GUCY1B1: variants seen among roughly 807,000 people sequenced by gnomAD.
GUCY1B1 encodes the protein guanylate cyclase soluble subunit beta-1.
GUCY1B1 carries 43 observed loss-of-function variants against 71.0 expected under a neutral mutation model. The observed-to-expected ratio is 0.61, with a 90% confidence interval of 0.47 to 0.78. The LOEUF (loss-of-function observed/expected upper bound fraction) is 0.78. Among genes scored for constraint, GUCY1B1 ranks in the 30% least tolerant of loss-of-function variants. The probability of loss-of-function intolerance (pLI) is 0.00; values close to 1 mark genes in which losing one functional copy is unlikely to be tolerated. For synonymous variants in GUCY1B1, 266 were observed against 259.7 expected, an observed-to-expected ratio of 1.02 and a Z score of -0.23; for missense variants, 535 against 754.1, an observed-to-expected ratio of 0.71 and a Z score of 3.40.
At chr4:155,803,958 C>T (rs1227716970) in intron 11 of GUCY1B1, among the ~76,000 whole-genome samples, 194 bp downstream of exon 11, 1 of 152,146 alleles carries the variant, frequency 6.6e-6, no homozygotes, top group Non-Finnish European at 1.5e-5. Flanking sequence ...TTGAAATTAT[C>T]TAGTCCGTTT....
At chr4:155,778,593 T>C (rs1443345176) in intron 4 of GUCY1B1, among the ~76,000 whole-genome samples, 1 of 152,216 alleles carries the variant, frequency 6.6e-6, no homozygotes. Context: ...GTTGTTTACA[T>C]AGTGACATTT....
intron 6 of GUCY1B1, 112 bp downstream of exon 6, chr4:155,794,198 C>G: frequency 1.7e-6 from 1 of 605,370 alleles, no homozygotes; most frequent in Non-Finnish European, 2.9e-6. Flanking sequence ...AGGTAATATG[C>G]AGTTTATTGT....
chr4:155,762,234 C>T (rs1451237856), intron 2 of GUCY1B1, among the ~76,000 whole-genome samples: 1 of 152,120 alleles, frequency 6.6e-6, no homozygotes, highest in Non-Finnish European at 1.5e-5. Context: ...GTTCCTCCTC[C>T]CCTCCCTACC....
chr4:155,804,639 G>T lies in GUCY1B1; in HGVS notation c.1601G>T (p.Gly534Val). 1 of 1,612,370 alleles carries T rather than the reference G, an allele frequency of 6.2e-7. No individual in the cohort carries two copies. Among genetic ancestry groups the T allele is most frequent in the Non-Finnish European group, 8.5e-7 (1 of 1,178,512 alleles). The stretch of plus-strand genomic sequence containing the variant: ...GGAGAGGTAGTTACAGGTGTCATAG[G>T]ACAGCGGATGCCTCGATACTGTCTT... Reference protein sequence around the residue: ...HTGEVVTGVIGQRMPRYCLFG... With the variant: ...HTGEVVTGVIVQRMPRYCLFG... Residue 534 changes from glycine (G) to valine (V), a missense_variant, in exon 12 of 14, where the codon GGA (glycine) becomes GTA (valine). By Grantham distance (109) the Gly-to-Val change is moderately radical. Transcript: ENST00000264424.
intron 2 of GUCY1B1, among the ~76,000 whole-genome samples, chr4:155,772,438 A>G (rs1737756360): frequency 6.6e-6 from 1 of 152,198 alleles, no homozygotes; most frequent in African/African-American, 2.4e-5. Context: ...TAGCTGAGTC[A>G]GGATCTGGCT....
At chr4:155,773,920 C>G (rs543893259) in intron 2 of GUCY1B1, among the ~76,000 whole-genome samples, 2 of 152,256 alleles carry the variant, frequency 1.3e-5, no homozygotes, top group East Asian at 3.9e-4. Flanking sequence ...ATCTCCTGAC[C>G]TCGTGATCTG....
intron 7 of GUCY1B1, among the ~76,000 whole-genome samples, chr4:155,795,855 G>A (rs1442851640): frequency 6.6e-6 from 1 of 151,732 alleles, no homozygotes; most frequent in Admixed American, 6.6e-5. Context: ...TAGCGTTTTT[G>A]TGGGTGAATA....
At chr4:155,797,744 T>TAATAATAATAATAATAATAAG (rs1739659061) in intron 8 of GUCY1B1, among the ~76,000 whole-genome samples, 1 of 149,006 alleles carries the variant, frequency 6.7e-6, no homozygotes, top group African/African-American at 2.4e-5. Flanking sequence ...AAAATAATAA[T>TAATAATAATAATAATAATAAG]AATAATAATA....
At chr4:155,760,011 C>G (rs868405645) in intron 2 of GUCY1B1, among the ~76,000 whole-genome samples, 151 bp downstream of exon 2, 4 of 152,046 alleles carry the variant, frequency 2.6e-5, no homozygotes, top group Non-Finnish European at 5.9e-5. Flanking sequence ...GCTGCAGCTG[C>G]GCTCCCACGC....
chr4:155,770,733 G>A (rs1579198308), intron 2 of GUCY1B1, among the ~76,000 whole-genome samples: 1 of 152,252 alleles, frequency 6.6e-6, no homozygotes, highest in East Asian at 1.9e-4. Flanking sequence ...GGTATAAGGT[G>A]GTAAGGATGG....
chr4:155,795,295 CTA>C (rs1739468678), intron 6 of GUCY1B1, 44 bp from the exon 7 acceptor site: 2 of 925,158 alleles, frequency 2.2e-6, no homozygotes, highest in East Asian at 4.9e-5. Context: ...AGTATAAAAA[CTA>C]TTTTAACTGA....
chr4:155,779,447 T>C (rs1383714623), intron 4 of GUCY1B1, among the ~76,000 whole-genome samples: 1 of 152,248 alleles, frequency 6.6e-6, no homozygotes, highest in Admixed American at 6.5e-5. Flanking sequence ...AAAATGTTAA[T>C]ATTTTGGATA....
In GUCY1B1 at chr4:155,802,304, AT is replaced by A. The variant is rs755872653; in HGVS notation, c.1176-35del. The A allele has an allele frequency of 6.2e-7, 1 of 1,612,548 alleles. No individual in the cohort carries two copies. The highest frequency in any genetic ancestry group is 8.5e-7 in the Non-Finnish European group (1 of 1,179,446). On this transcript the variant is annotated intron_variant, in intron 9 of 13. Transcript: ENST00000264424. This position sits in a 1 kb window ranked among gnomAD's most constrained non-coding sequence, Gnocchi z 4.3. The stretch of plus-strand genomic sequence containing the variant: ...CAGAAGCACTAAAGGCTTTCCCAGT[AT>A]TTCTTACAGTGGCTTTCTGCTGATC...
intron 4 of GUCY1B1, among the ~76,000 whole-genome samples, chr4:155,779,908 C>A (rs376473656): frequency 3.9e-5 from 6 of 152,278 alleles, no homozygotes; most frequent in Non-Finnish European, 5.9e-5. Context: ...TTTAATCAGT[C>A]ACAGCATCTT....
intron 2 of GUCY1B1, among the ~76,000 whole-genome samples, chr4:155,764,756 A>C (rs1349122174): frequency 1.3e-5 from 2 of 152,152 alleles, no homozygotes; most frequent in African/African-American, 4.8e-5. Flanking sequence ...TAATGTTTGA[A>C]GTTATCTTTT....
chr4:155,759,913 G>GC (rs995580408), intron 2 of GUCY1B1, 53 bp downstream of exon 2: 14 of 1,326,166 alleles, frequency 1.1e-5, no homozygotes, highest in South Asian at 4.7e-5. Context: ...AGTGTGGGAG[G>GC]CCCCCCGCGC....
chr4:155,798,419 A>C (rs962146322), intron 8 of GUCY1B1, among the ~76,000 whole-genome samples: 4 of 152,152 alleles, frequency 2.6e-5, no homozygotes, highest in Non-Finnish European at 5.9e-5. Context: ...GCTCATGGGC[A>C]GGTCTCGTAT....
At chr4:155,801,649 C>T (rs1242484602) in intron 9 of GUCY1B1, among the ~76,000 whole-genome samples, 1 of 152,144 alleles carries the variant, frequency 6.6e-6, no homozygotes, top group Non-Finnish European at 1.5e-5. Context: ...CTTCAGTCTT[C>T]CAATCCAGAG....
intron 9 of GUCY1B1, among the ~76,000 whole-genome samples, chr4:155,800,496 G>A (rs1239675396): frequency 6.6e-6 from 1 of 152,112 alleles, no homozygotes; most frequent in Non-Finnish European, 1.5e-5. Flanking sequence ...GCCATTACAT[G>A]TTTAAAAATT....
Sources: gnomAD v4.1 joint callset for allele counts (sites outside exome capture counted in the v4.1 genomes callset) on GRCh38, gnomAD v4.1.1 for gene constraint, Gnocchi (gnomAD v3.1) non-coding constraint, MANE v1.5 for transcripts, NCBI Gene and HGNC (gene_info 2026-07-23, HGNC 2026-07-21) for gene names.